ALS2: variants seen among roughly 807,000 people sequenced by gnomAD.
ALS2 encodes the protein alsin.
A neutral mutation model predicts 203.4 loss-of-function variants in ALS2; 117 were observed. The observed-to-expected ratio is 0.58, with a 90% CI of 0.50 to 0.67. The LOEUF (loss-of-function observed/expected upper bound fraction) is 0.67. Among genes scored for constraint, ALS2 ranks in the 30% least tolerant of loss-of-function variants. The pLI is 0.00. For synonymous variants in ALS2, 718 were observed against 725.9 expected (o/e 0.99, Z 0.17); for missense variants, 1,715 against 1,989.4 (o/e 0.86, Z 2.62).
At chr2:201,706,006 G>T (rs1267682889) in intron 29 of ALS2, among the ~76,000 whole-genome samples, 2 of 152,098 alleles carry the variant, frequency 1.3e-5, no homozygotes, top group Non-Finnish European at 2.9e-5. Context: ...TAGAGATTGG[G>T]GAGGTGGAAT....
intron 1 of ALS2, among the ~76,000 whole-genome samples, chr2:201,773,368 T>C (rs1030826496): frequency 1.6e-4 from 24 of 152,042 alleles, no homozygotes; most frequent in African/African-American, 5.8e-4. Context: ...GGTGAATAAA[T>C]GAGAGATGCT....
intron 23 of ALS2, chr2:201,722,099 A>G (rs895152573): frequency 5.9e-5 from 9 of 152,254 alleles, no homozygotes; most frequent in Non-Finnish European, 1.3e-4. Context: ...TTTACAAATC[A>G]TATCTGATAA....
chr2:201,758,137 G>GA (rs979080662), intron 4 of ALS2, among the ~76,000 whole-genome samples: 32 of 151,856 alleles, frequency 2.1e-4, no homozygotes, highest in Non-Finnish European at 3.7e-4. Flanking sequence ...ACAGAAGATT[G>GA]AAAAAATGCA....
chr2:201,733,869 A>G (rs1463125492), intron 12 of ALS2, among the ~76,000 whole-genome samples: 1 of 152,232 alleles, frequency 6.6e-6, no homozygotes, highest in African/African-American at 2.4e-5. Context: ...CAACAGAATT[A>G]GTGTGGATAT....
chr2:201,772,349 T>C (rs1196051560), intron 1 of ALS2, among the ~76,000 whole-genome samples: 1 of 152,214 alleles, frequency 6.6e-6, no homozygotes, highest in African/African-American at 2.4e-5. Context: ...ACAACCATCT[T>C]ACAGGTCTAC....
At chr2:201,729,901 A>AC (rs1362218754) in intron 13 of ALS2, among the ~76,000 whole-genome samples, 19 of 150,872 alleles carry the variant, frequency 1.3e-4, no homozygotes, top group African/African-American at 4.6e-4. Context: ...AAAAAAAAAA[A>AC]AACAACTTTT....
At chr2:201,772,765 T>C (rs560183315) in intron 1 of ALS2, among the ~76,000 whole-genome samples, 2 of 152,314 alleles carry the variant, frequency 1.3e-5, no homozygotes, top group South Asian at 2.1e-4. Context: ...GTTTCTTTTA[T>C]GTACTTTGAA....
In ALS2 at chr2:201,725,452, T is replaced by C; in HGVS notation, c.3251A>G (p.Tyr1084Cys). The C allele has an allele frequency of 2.5e-6, 4 of 1,612,590 alleles. No homozygotes were observed. In the South Asian group the frequency reaches 4.4e-5, roughly 18 times the overall value. ...CTTGTTTGGGATTCTGTATTCTCCA[T>C]ACCTGCCATGAAAAAGAAAAAATAA... Reference protein sequence around the residue: ...GMFRNGLEDGYGEYRIPNKAM... With the variant: ...GMFRNGLEDGCGEYRIPNKAM... Residue 1084 changes from tyrosine to cysteine, a missense_variant and splice_region_variant, in exon 20 of 34, where the codon TAT becomes TGT. This residue lies in a region of ALS2 where 1,227 missense variants were observed against 1,413.5 expected (regional missense o/e 0.87). Transcript: ENST00000264276.
intron 1 of ALS2, among the ~76,000 whole-genome samples, chr2:201,773,001 AC>A (rs751847505): frequency 4.6e-5 from 7 of 151,822 alleles, no homozygotes; most frequent in Non-Finnish European, 8.8e-5. Flanking sequence ...AGCTGGGATT[AC>A]AGGTGCACAC....
intron 17 of ALS2, 41 bp downstream of exon 17, chr2:201,727,171 G>C (rs766064314): frequency 6.7e-7 from 1 of 1,500,176 alleles, no homozygotes; most frequent in Non-Finnish European, 9.3e-7. Context: ...GGCAGAAAGA[G>C]CCAGGGCGAA....
At chr2:201,748,838 A>ACAGT (rs759802349) in intron 8 of ALS2, among the ~76,000 whole-genome samples, 1 of 152,244 alleles carries the variant, frequency 6.6e-6, no homozygotes, top group Non-Finnish European at 1.5e-5. Flanking sequence ...TGACAGATGC[A>ACAGT]CAGTGCACAT....
chr2:201,714,973 T>G (rs1373540395), intron 25 of ALS2, among the ~76,000 whole-genome samples: 1 of 152,060 alleles, frequency 6.6e-6, no homozygotes, highest in Non-Finnish European at 1.5e-5. Flanking sequence ...CCCACTTCCG[T>G]GATTGTGCCA....
intron 13 of ALS2, among the ~76,000 whole-genome samples, chr2:201,731,640 C>T (rs1010138674): frequency 1.3e-5 from 2 of 152,076 alleles, no homozygotes; most frequent in African/African-American, 4.8e-5. Context: ...TGTGTACACA[C>T]ATATATGACG....
In ALS2 at chr2:201,744,411, C is replaced by T. The variant is rs546231351; in HGVS notation, c.2017G>A (p.Val673Met). ...AAATAGCTATCTTTTCCTGCTGTCA[C>T]TCTGCTTATATATCCAAGCTGAAAC... Reference protein sequence around the residue: ...SCSKLGYISRVTAGKDSYLAL... With the variant: ...SCSKLGYISRMTAGKDSYLAL... The change falls in exon 10 of 34, where the codon GTG (valine) becomes ATG (methionine). Residue 673 changes from valine (V) to methionine (M), a missense_variant. By Grantham distance (21) the Val-to-Met change is conservative (BLOSUM62 1). Around this residue, in one of 3 missense-constraint regions of ALS2, gnomAD observed 1,227 missense variants for 1,413.5 expected, o/e 0.87. Coordinates refer to ENST00000264276, the MANE Select transcript of ALS2 (RefSeq NM_020919.4). 2 of 1,614,052 alleles carry T rather than the reference C, an allele frequency of 1.2e-6. No homozygotes were observed. The highest frequency in any genetic ancestry group is 1.1e-5 in the South Asian group (1 of 91,086).
chr2:201,704,923 G>C (rs1036343889), intron 31 of ALS2, among the ~76,000 whole-genome samples: 1 of 152,048 alleles, frequency 6.6e-6, no homozygotes, highest in Non-Finnish European at 1.5e-5. Context: ...TTTCTGGCTT[G>C]GCTCTCTCCT....
intron 11 of ALS2, 28 bp downstream of exon 11, chr2:201,741,646 T>C: frequency 1.2e-6 from 2 of 1,609,618 alleles, no homozygotes; most frequent in Non-Finnish European, 1.7e-6. Flanking sequence ...CTGCAGAGAT[T>C]GAACATGACA....
chr2:201,732,750 C>T (rs1691653713), intron 13 of ALS2, among the ~76,000 whole-genome samples: 1 of 152,126 alleles, frequency 6.6e-6, no homozygotes, highest in Non-Finnish European at 1.5e-5. Context: ...GTGCTAACTT[C>T]CTAGGATTCC....
intron 25 of ALS2, among the ~76,000 whole-genome samples, chr2:201,715,297 T>C (rs1468878047): frequency 6.6e-6 from 1 of 152,148 alleles, no homozygotes; most frequent in Non-Finnish European, 1.5e-5. Context: ...ATTTTTTCTG[T>C]ATCCCTGTCT....
intron 4 of ALS2, chr2:201,760,221 G>C (rs1693675239): frequency 1.2e-5 from 8 of 673,568 alleles, no homozygotes; most frequent in Non-Finnish European, 1.5e-5. Flanking sequence ...TGAAATGGGA[G>C]GATCGCTTGA....
Sources: gnomAD v4.1 joint callset for allele counts (sites outside exome capture counted in the v4.1 genomes callset) on GRCh38, gnomAD v4.1.1 for gene constraint, gnomAD v4.1.1 regional missense constraint, MANE v1.5 for transcripts, NCBI Gene and HGNC (gene_info 2026-07-23, HGNC 2026-07-21) for gene names.